Variants in NOTCH4 observed in about 807,000 individuals in gnomAD.
NOTCH4 encodes the protein notch receptor 4, also known as neurogenic locus notch homolog protein 4.
NOTCH4 carries 138 observed loss-of-function variants against 189.0 expected under a neutral mutation model. That is an observed-to-expected ratio of 0.73 (90% CI 0.64 to 0.84). The LOEUF (loss-of-function observed/expected upper bound fraction) is 0.84, where lower values mean the gene tolerates loss of function less well. NOTCH4 is among the 40% of genes least tolerant of loss of function. The pLI, the probability that NOTCH4 is intolerant of heterozygous loss-of-function variation, is 0.00. For missense variants in NOTCH4, 2,286 were observed against 2,605.4 expected, an observed-to-expected ratio of 0.88 and a Z score of 2.67; for synonymous variants, 942 against 1,032.8, an observed-to-expected ratio of 0.91 and a Z score of 1.69.
At chr6:32,207,606 AG>A (rs1391035295) in intron 18 of NOTCH4, among the ~76,000 whole-genome samples, 1 of 145,328 alleles carries the variant, frequency 6.9e-6, no homozygotes, top group Non-Finnish European at 1.5e-5. Flanking sequence ...ACTGGGCAAC[AG>A]GGCAACAGAG....
rs200652641 is a variant in NOTCH4 at position 32,215,210 on chromosome 6, G to A, written c.2021+16C>T. On this transcript the variant is annotated intron_variant, in intron 12 of 29. Coordinates refer to ENST00000375023, the MANE Select transcript of NOTCH4 (RefSeq NM_004557.4). ...CCAAAGGAGGGGGCAGATGGGGAGGGTCTGGAAGATGTTACCTCTGGCAGT... is the reference window on the plus strand; with the variant it reads ...CCAAAGGAGGGGGCAGATGGGGAGGATCTGGAAGATGTTACCTCTGGCAGT... 3.9e-5 allele frequency: 61 copies of A among 1,582,500 alleles called. No individual in the cohort carries two copies. In the East Asian group the frequency reaches 1.4e-3, roughly 36 times the overall value.
At chr6:32,197,684 G>C (rs1308459221) in intron 26 of NOTCH4, 90 bp from the exon 27 acceptor site, 4 of 1,212,594 alleles carry the variant, frequency 3.3e-6, no homozygotes, top group Non-Finnish European at 3.4e-6. Context: ...CAAAACCTGA[G>C]GTGTTGGGAA....
At position 32,199,660 on chromosome 6, in the gene NOTCH4, C is replaced by T. The variant is rs1419063801; in HGVS notation, c.4316-515G>A. 2.0e-5 allele frequency among the ~76,000 whole-genome samples: 3 copies of T among 152,030 alleles called. No homozygotes were observed. Among genetic ancestry groups the T allele is most frequent in the South Asian group, 2.1e-4 (1 of 4,832 alleles). Reference sequence around the variant, plus strand: ...TGGAGCTTGCAGTGAGCCGAGATCGCGCCACTGCACTCCGGCCTGGGCGAC... The same window carrying T: ...TGGAGCTTGCAGTGAGCCGAGATCGTGCCACTGCACTCCGGCCTGGGCGAC... On this transcript the variant is annotated intron_variant, in intron 23 of 29. Transcript: ENST00000375023. The surrounding 1 kb of genome is among the most constrained non-coding windows in gnomAD (Gnocchi z 4.9).
intron 14 of NOTCH4, 84 bp from the exon 15 acceptor site, chr6:32,213,336 AC>A: frequency 6.3e-6 from 5 of 794,420 alleles, no homozygotes; most frequent in Non-Finnish European, 1.1e-5. Context: ...TAGGACATAC[AC>A]CCCCCACCCC....
At position 32,217,853 on chromosome 6, in the gene NOTCH4, T is replaced by G; in HGVS notation, c.1624+142A>C. The G allele has an allele frequency of 1.6e-6, 1 of 622,756 alleles. No homozygotes were observed. 38.6% of individuals were successfully genotyped at this position (622,756 alleles called of 1,614,324 possible). Reference sequence around the variant, plus strand: ...GATTTGGGGATGTAAGAGTAGAGATTTTGGGGAGCAAAGACAGATTTGGAG... The same window carrying G: ...GATTTGGGGATGTAAGAGTAGAGATGTTGGGGAGCAAAGACAGATTTGGAG... On this transcript the variant is annotated intron_variant, in intron 9 of 29. Transcript: ENST00000375023. The surrounding 1 kb of genome is among the most constrained non-coding windows in gnomAD (Gnocchi z 4.2).
At chr6:32,206,255 G>T (rs1288960715) in intron 18 of NOTCH4, among the ~76,000 whole-genome samples, 1 of 151,980 alleles carries the variant, frequency 6.6e-6, no homozygotes, top group Admixed American at 6.5e-5. Flanking sequence ...CATCCAAATT[G>T]CAAAAGAAGA....
rs927163474 is a variant in NOTCH4 at position 32,196,777 on chromosome 6, G to A, written c.5200+148C>T. On this transcript the variant is annotated intron_variant, in intron 28 of 29. Coordinates refer to ENST00000375023, the MANE Select transcript of NOTCH4 (RefSeq NM_004557.4). The stretch of plus-strand genomic sequence containing the variant: ...GGGAGTTGGGGGGGGAAACTCACGC[G>A]GCCCGTACTTCCACCGCATCTCAGA... 3.6e-5 allele frequency: 38 copies of A among 1,043,982 alleles called. No homozygotes were observed. The African/African-American group carries it at 5.2e-4, about 14-fold the overall frequency. 64.7% of individuals were successfully genotyped at this position (1,043,982 alleles called of 1,614,324 possible). A position where few individuals can be genotyped will look rare whatever the true frequency, so the allele number is the denominator to read the frequency against.
At chr6:32,219,211 A>T (rs1014074770) in intron 8 of NOTCH4, among the ~76,000 whole-genome samples, 3 of 152,104 alleles carry the variant, frequency 2.0e-5, no homozygotes. Flanking sequence ...TCTACATGGG[A>T]GAGTTTCTAT....
Position 32,224,001 on chromosome 6 carries a change from A to G in NOTCH4, c.-73T>C. ...GGACCCTCAGAGCTCTCACTGGGGC[A>G]GGAGCCACCTCCTCTGCTCCCACTG... On this transcript the variant is annotated 5_prime_UTR_variant, in exon 1 of 30. Coordinates refer to ENST00000375023, the MANE Select transcript of NOTCH4 (RefSeq NM_004557.4). The G allele has an allele frequency of 1.4e-6, 2 of 1,447,504 alleles. No individual in the cohort carries two copies. The highest frequency in any genetic ancestry group is 1.8e-6 in the Non-Finnish European group (2 of 1,082,088). The allele number at this position is 1,447,504 out of a possible 1,614,324, so 89.7% of individuals were successfully genotyped here. A position where few individuals can be genotyped will look rare whatever the true frequency, so the allele number is the denominator to read the frequency against.
In NOTCH4 at chr6:32,217,653, G is replaced by A. The variant is rs565683989; in HGVS notation, c.1624+342C>T. ...ATAGCAGGGGACAGAGGAGTGTCCG[G>A]TGAGGCTGGAGAAGAAAGGCTTGGG... On this transcript the variant is annotated intron_variant, in intron 9 of 29. Coordinates refer to ENST00000375023, the MANE Select transcript of NOTCH4 (RefSeq NM_004557.4). This position sits in a 1 kb window ranked among gnomAD's most constrained non-coding sequence, Gnocchi z 4.2. Among the ~76,000 whole-genome samples the A allele has an allele frequency of 1.1e-4, 17 of 152,336 alleles. No homozygotes were observed. The highest frequency in any genetic ancestry group is 3.4e-4 in the African/African-American group (14 of 41,568).
rs746923308 is a variant in NOTCH4 at position 32,212,634 on chromosome 6, G to A, written c.2527-7C>T. ...CACATAAGTCCATCAGAGTCTGAGG[G>A]GTGGGAGGGAGCGTGAGGCAGGACA... On this transcript the variant is annotated splice_polypyrimidine_tract_variant and splice_region_variant and intron_variant, in intron 16 of 29. Transcript: ENST00000375023. This position sits in a 1 kb window ranked among gnomAD's most constrained non-coding sequence, Gnocchi z 4.4. 5.6e-6 allele frequency: 9 copies of A among 1,608,240 alleles called. No homozygotes were observed. Among genetic ancestry groups the A allele is most frequent in the Non-Finnish European group, 6.8e-6 (8 of 1,177,422 alleles).
At position 32,210,870 on chromosome 6, in the gene NOTCH4, C is replaced by A. The variant is rs775055374; in HGVS notation, c.2747G>T (p.Cys916Phe). ...GCCTTGGAATCCAGGGGGGCAGTGG[C>A]AGAAATAGGAGGGGCCGCTGTCGAC... ...LCVDSGPSYF[C>F]HCPPGFQGSL... The change falls in exon 18 of 30, where the codon TGC (cysteine) becomes TTC (phenylalanine). Residue 916 changes from cysteine (C) to phenylalanine (F), a missense_variant. Cys to Phe is a radical substitution (Grantham distance 205). Around this residue, in one of 2 missense-constraint regions of NOTCH4, gnomAD observed 1,903 missense variants for 2,261.9 expected, o/e 0.84. Transcript: ENST00000375023. This position sits in a 1 kb window ranked among gnomAD's most constrained non-coding sequence, Gnocchi z 4.8. The A allele has an allele frequency of 8.1e-6, 13 of 1,612,604 alleles. No individual in the cohort carries two copies. The highest frequency in any genetic ancestry group is 5.0e-5 in the Admixed American group (3 of 59,954).
chr6:32,196,039 C>T lies in NOTCH4; in HGVS notation c.5410G>A (p.Ala1804Thr). 6.3e-7 allele frequency: 1 copy of T among 1,595,062 alleles called. No individual in the cohort carries two copies. The highest frequency in any genetic ancestry group is 8.5e-7 in the Non-Finnish European group (1 of 1,177,398). Reference sequence around the variant, plus strand: ...TGGTTACGTTGGTGAGCGACGTCCGCCGGCGCTAGCCCAGCCTGGTCCCGC... The same window carrying T: ...TGGTTACGTTGGTGAGCGACGTCCGTCGGCGCTAGCCCAGCCTGGTCCCGC... ...ELRDQAGLAPADVAHQRNHWD... is the reference protein window; with the variant it reads ...ELRDQAGLAPTDVAHQRNHWD... The change falls in exon 30 of 30, where the codon GCG becomes ACG. Residue 1804 changes from alanine to threonine, a missense_variant. Transcript: ENST00000375023.
chr6:32,196,512 T>A (rs1787938782), intron 28 of NOTCH4, 91 bp from the exon 29 acceptor site: 1 of 1,490,852 alleles, frequency 6.7e-7, no homozygotes, highest in Non-Finnish European at 9.1e-7. Flanking sequence ...GGGGAAGGGC[T>A]ATTCGGGCCG....
At chr6:32,197,852 C>T (rs1196800809) in intron 26 of NOTCH4, among the ~76,000 whole-genome samples, 2 of 143,936 alleles carry the variant, frequency 1.4e-5, no homozygotes, top group East Asian at 2.1e-4. Context: ...GACGGAGTCT[C>T]GCCCTGTCAC....
rs1788203718 is a variant in NOTCH4 at position 32,199,508 on chromosome 6, TC to T, written c.4316-364del. On this transcript the variant is annotated intron_variant, in intron 23 of 29. Transcript: ENST00000375023. The surrounding 1 kb of genome is among the most constrained non-coding windows in gnomAD (Gnocchi z 4.9). ...TCATGAGGTCAGGAGATCGAGACCA[TC>T]CTGGCTAACATGGTGAAACCCTGTC... Among the ~76,000 whole-genome samples, 1 of 152,008 alleles carries T rather than the reference TC, an allele frequency of 6.6e-6. No homozygotes were observed. The highest frequency in any genetic ancestry group is 1.5e-5 in the Non-Finnish European group (1 of 67,988).
chr6:32,206,174 T>C (rs1404875017), intron 18 of NOTCH4, among the ~76,000 whole-genome samples: 2 of 152,112 alleles, frequency 1.3e-5, no homozygotes, highest in African/African-American at 4.8e-5. Context: ...ATGCTCACTT[T>C]CACTATTTTT....
At position 32,204,384 on chromosome 6, in the gene NOTCH4, G is replaced by A; in HGVS notation, c.2871C>T (p.Ala957=). 1 of 1,612,754 alleles carries A rather than the reference G, an allele frequency of 6.2e-7. No individual in the cohort carries two copies. Among genetic ancestry groups the A allele is most frequent in the East Asian group, 2.2e-5 (1 of 44,890 alleles). ...AQPSGYLCQC[A]PGYDGQNCSK... ...AGCAGTTCTGTCCATCGTAGCCTGG[G>A]GCACACTGCAGACAAAGAGGATTAG... The change falls in exon 19 of 30, where the codon GCC becomes GCT. Residue 957 remains alanine (A), a synonymous_variant. Coordinates refer to ENST00000375023, the MANE Select transcript of NOTCH4 (RefSeq NM_004557.4).
In NOTCH4 at chr6:32,220,997, G is replaced by T. The variant is rs1789734377; in HGVS notation, c.780C>A (p.His260Gln). 6.2e-7 allele frequency: 1 copy of T among 1,604,616 alleles called. No homozygotes were observed. ...QLMPEKDSTF[H>Q]LCLCPPGFIG... The stretch of plus-strand genomic sequence containing the variant: ...ACACACCTGGGGGACAGAGGCAGAG[G>T]TGAAAGGTGGAGTCTTTCTCTGGCA... The change falls in exon 4 of 30, where the codon CAC becomes CAA. Residue 260 changes from histidine to glutamine, a missense_variant. Coordinates refer to ENST00000375023, the MANE Select transcript of NOTCH4 (RefSeq NM_004557.4).
Sources: gnomAD v4.1 joint callset for allele counts (sites outside exome capture counted in the v4.1 genomes callset) on GRCh38, gnomAD v4.1.1 for gene constraint, gnomAD v4.1.1 regional missense constraint, Gnocchi (gnomAD v3.1) non-coding constraint, MANE v1.5 for transcripts, NCBI Gene and HGNC (gene_info 2026-07-23, HGNC 2026-07-21) for gene names.